Variants in HOMER2 observed in about 807,000 individuals in gnomAD.
The protein encoded by HOMER2 is homer protein homolog 2.
HOMER2 carries 27 observed loss-of-function variants against 47.0 expected under a neutral mutation model. The observed-to-expected ratio is 0.57, with a 90% CI of 0.42 to 0.79. HOMER2 has a LOEUF of 0.79. HOMER2 is among the 30% of genes least tolerant of loss of function. HOMER2 has a pLI of 0.00. For missense variants in HOMER2, 443 were observed against 435.0 expected (o/e 1.02, Z -0.16); for synonymous variants, 161 against 163.8 (o/e 0.98, Z 0.13).
At chr15:82,921,187 C>A (rs1344253767) in intron 1 of HOMER2, among the ~76,000 whole-genome samples, 2 of 152,108 alleles carry the variant, frequency 1.3e-5, no homozygotes, top group African/African-American at 4.8e-5. Context: ...TCCCAGCTAG[C>A]TGAGGCACGA....
At chr15:82,938,026 C>T (rs2054179359) in intron 1 of HOMER2, among the ~76,000 whole-genome samples, 1 of 152,220 alleles carries the variant, frequency 6.6e-6, no homozygotes, top group Non-Finnish European at 1.5e-5. Context: ...CATTTTCCTT[C>T]TTGATCTACC....
At chr15:82,944,399 A>G (rs2054327789) in intron 1 of HOMER2, among the ~76,000 whole-genome samples, 1 of 152,224 alleles carries the variant, frequency 6.6e-6, no homozygotes, top group Admixed American at 6.5e-5. Context: ...ATCAAAACCA[A>G]TGCAAATTAG....
exon 2 of HOMER2, chr15:82,840,068 T>C (rs1022459188): frequency 1.3e-5 from 2 of 152,160 alleles, no homozygotes; most frequent in Non-Finnish European, 2.9e-5. Context: ...AATCTGAAAT[T>C]ATAAATTATT....
intron 1 of HOMER2, among the ~76,000 whole-genome samples, chr15:82,938,940 C>T (rs1007454869): frequency 2.0e-5 from 3 of 152,196 alleles, no homozygotes; most frequent in Admixed American, 6.5e-5. Flanking sequence ...ACCTCTCAGG[C>T]TCATTCACCG....
chr15:82,896,072 T>G (rs940057230), intron 1 of HOMER2, among the ~76,000 whole-genome samples: 10 of 151,720 alleles, frequency 6.6e-5, no homozygotes, highest in African/African-American at 2.4e-4. Context: ...CTCCCACAGC[T>G]GTAGAGGGGG....
intron 1 of HOMER2, among the ~76,000 whole-genome samples, chr15:82,941,683 C>A (rs920592779): frequency 6.6e-6 from 1 of 151,872 alleles, no homozygotes; most frequent in Non-Finnish European, 1.5e-5. Flanking sequence ...TGGCTCCCTG[C>A]CACTCACAGG....
intron 5 of HOMER2, 109 bp from the exon 6 acceptor site, chr15:82,854,909 AC>A: frequency 7.7e-7 from 1 of 1,294,444 alleles, no homozygotes; most frequent in Non-Finnish European, 1.1e-6. Context: ...TGGGGGGCCC[AC>A]GCCCTCTCCC....
intron 1 of HOMER2, among the ~76,000 whole-genome samples, chr15:82,902,270 T>C (rs1359612298): frequency 6.7e-6 from 1 of 149,430 alleles, no homozygotes; most frequent in Non-Finnish European, 1.5e-5. Flanking sequence ...CAATCTCGGC[T>C]CACTGCAACC....
At chr15:82,940,440 C>G (rs578064231) in intron 1 of HOMER2, among the ~76,000 whole-genome samples, 13 of 152,246 alleles carry the variant, frequency 8.5e-5, no homozygotes, top group Non-Finnish European at 1.5e-4. Context: ...CTCTACAAAA[C>G]ATAAAAAATT....
chr15:82,898,482 T>C (rs899286965), intron 1 of HOMER2: 23 of 152,232 alleles, frequency 1.5e-4, no homozygotes, highest in African/African-American at 5.1e-4. Context: ...GTGCTTTAAA[T>C]AGAAAGCAGA....
chr15:82,899,174 C>T (rs1002481353), intron 1 of HOMER2, among the ~76,000 whole-genome samples: 5 of 152,260 alleles, frequency 3.3e-5, no homozygotes, highest in African/African-American at 1.2e-4. Context: ...AGGGCTTCTG[C>T]TGCTTTCCTT....
chr15:82,856,228 C>T (rs1267107039), intron 5 of HOMER2, among the ~76,000 whole-genome samples: 1 of 152,130 alleles, frequency 6.6e-6, no homozygotes, highest in Non-Finnish European at 1.5e-5. Flanking sequence ...CTTGTAGTAC[C>T]TCACTTGCTC....
chr15:82,873,399 G>A (rs2052240644), intron 3 of HOMER2, among the ~76,000 whole-genome samples: 1 of 152,214 alleles, frequency 6.6e-6, no homozygotes, highest in Admixed American at 6.5e-5. Context: ...AGGCTGCAGA[G>A]AACTCACTTC....
intron 1 of HOMER2, among the ~76,000 whole-genome samples, chr15:82,944,705 C>T (rs1452227416): frequency 6.6e-6 from 1 of 151,752 alleles, no homozygotes; most frequent in East Asian, 1.9e-4. Flanking sequence ...GATGTTTGTG[C>T]AGGCTGTGGT....
intron 6 of HOMER2, 46 bp from the exon 7 acceptor site, chr15:82,852,298 T>A: frequency 7.5e-7 from 1 of 1,334,696 alleles, no homozygotes; most frequent in Non-Finnish European, 1.1e-6. Flanking sequence ...AGCTTAACAT[T>A]AGTCATTAAG....
chr15:82,888,977 C>T (rs1489227342), intron 2 of HOMER2, among the ~76,000 whole-genome samples: 2 of 152,178 alleles, frequency 1.3e-5, no homozygotes, highest in Non-Finnish European at 2.9e-5. Context: ...GTGGAGGCGG[C>T]TTCCCCTTCC....
At position 82,950,127 on chromosome 15, in the gene HOMER2, C is replaced by T. The variant is rs569786866; in HGVS notation, c.5+2404G>A. Among the ~76,000 whole-genome samples the T allele has an allele frequency of 5.9e-5, 9 of 152,196 alleles. No homozygotes were observed. In the South Asian group the frequency reaches 1.9e-3, roughly 32 times the overall value. ...TAGGTGGTGGCAAAATGAAGACATT[C>T]CCTTGGTCAAAGGTGCCTATCTTGT... On this transcript the variant is annotated intron_variant, in intron 1 of 8. Coordinates refer to ENST00000450735, the MANE Select transcript of HOMER2 (RefSeq NM_004839.4).
chr15:82,866,179 T>C (rs928830513), intron 3 of HOMER2, among the ~76,000 whole-genome samples: 2 of 152,330 alleles, frequency 1.3e-5, no homozygotes, highest in Non-Finnish European at 2.9e-5. Context: ...CCCAAGACCA[T>C]GGGAGCCCAC....
At chr15:82,920,354 A>C (rs1363847932) in intron 1 of HOMER2, among the ~76,000 whole-genome samples, 1 of 152,138 alleles carries the variant, frequency 6.6e-6, no homozygotes, top group Admixed American at 6.5e-5. Context: ...AAATTCCCAC[A>C]AACTTGGGGG....
Sources: allele counts gnomAD v4.1 joint callset (sites outside exome capture counted in the v4.1 genomes callset), GRCh38; gene constraint gnomAD v4.1.1; transcripts MANE v1.5; gene names NCBI Gene and HGNC (gene_info 2026-07-23, HGNC 2026-07-21).